FUT9: variants seen among roughly 807,000 people sequenced by gnomAD.
FUT9 encodes the protein 4-galactosyl-N-acetylglucosaminide 3-alpha-L-fucosyltransferase 9.
A neutral mutation model predicts 29.7 loss-of-function variants in FUT9; 15 were observed. The ratio of observed to expected loss-of-function variants is 0.51; its 90% CI spans 0.34 to 0.78. The LOEUF is 0.78. FUT9 is among the 30% of genes least tolerant of loss of function. FUT9 has a pLI of 0.01. For missense variants in FUT9, 319 were observed against 425.4 expected (o/e 0.75, Z 2.20); for synonymous variants, 169 against 153.7 (o/e 1.10, Z -0.74).
rs78409119 is a variant in FUT9, at chr6:96,089,510, G to T, written c.-97-24529G>T. The stretch of plus-strand genomic sequence containing the variant: ...TTTAAAATTGTTGTTTGATGTATTT[G>T]CTTTCCTACTTCTTCTTGTTATTGT... On this transcript the variant is annotated intron_variant, in intron 1 of 2. Transcript: ENST00000302103. Among the ~76,000 whole-genome samples the T allele has an allele frequency of 7.3e-4, 111 of 152,262 alleles. No individual in the cohort carries two copies. In the East Asian group the frequency reaches 0.014, roughly 20 times the overall value.
At chr6:96,199,700 G>A (rs979116554) in intron 2 of FUT9, among the ~76,000 whole-genome samples, 1 of 152,098 alleles carries the variant, frequency 6.6e-6, no homozygotes, top group Admixed American at 6.6e-5. Flanking sequence ...ATTCCATAGA[G>A]AGCTCCATGC....
chr6:96,108,638 C>T (rs1304225474), intron 1 of FUT9, among the ~76,000 whole-genome samples: 1 of 152,184 alleles, frequency 6.6e-6, no homozygotes, highest in South Asian at 2.1e-4. Context: ...CTCTCTACCA[C>T]TCTGTTCCAC....
intron 1 of FUT9, among the ~76,000 whole-genome samples, chr6:96,066,645 A>G (rs1011739170): frequency 1.3e-5 from 2 of 152,134 alleles, no homozygotes; most frequent in African/African-American, 4.8e-5. Flanking sequence ...CAATAGGACC[A>G]TAGGCCAACT....
intron 2 of FUT9, among the ~76,000 whole-genome samples, chr6:96,156,162 T>A (rs1016522601): frequency 1.3e-5 from 2 of 152,180 alleles, no homozygotes; most frequent in African/African-American, 2.4e-5. Flanking sequence ...GTTTTCAAAT[T>A]TCACACTGGT....
At chr6:96,084,265 T>A (rs2127951741) in intron 1 of FUT9, among the ~76,000 whole-genome samples, 1 of 152,200 alleles carries the variant, frequency 6.6e-6, no homozygotes, top group Non-Finnish European at 1.5e-5. Flanking sequence ...CTCCAAAGAA[T>A]TCCATCAAAG....
intron 1 of FUT9, among the ~76,000 whole-genome samples, chr6:96,070,470 G>A (rs1419507538): frequency 6.6e-6 from 1 of 152,090 alleles, no homozygotes; most frequent in East Asian, 1.9e-4. Flanking sequence ...AGGATCGCTT[G>A]AGCTCAGGAG....
intron 1 of FUT9, among the ~76,000 whole-genome samples, chr6:96,023,746 C>T (rs1189549044): frequency 6.6e-6 from 1 of 151,936 alleles, no homozygotes; most frequent in Non-Finnish European, 1.5e-5. Flanking sequence ...GCTCTCATTA[C>T]ACTGTTTCAC....
intron 2 of FUT9, among the ~76,000 whole-genome samples, chr6:96,140,129 T>C (rs2127972801): frequency 6.6e-6 from 1 of 152,284 alleles, no homozygotes; most frequent in Admixed American, 6.5e-5. Context: ...GTTTTACAGA[T>C]CTGTAGAGCA....
rs11347804 is a variant in FUT9, at chr6:96,120,269, C to CTTTTTTTTTTTTTTTTTTTT, written c.-9+6161_-9+6162insTTTTTTTTTTTTTTTTTTTT. ...AAGACCCACTTTTTCTTTTTTCTTT[C>CTTTTTTTTTTTTTTTTTTTT]TTTTTTTTTTTTTTTTTTTGAGATG... is the stretch of plus-strand genomic sequence containing the variant. On this transcript the variant is annotated intron_variant, in intron 2 of 2. Coordinates refer to ENST00000302103, the MANE Select transcript of FUT9 (RefSeq NM_006581.4). Among the ~76,000 whole-genome samples, 13 of 91,468 alleles carry CTTTTTTTTTTTTTTTTTTTT rather than the reference C, an allele frequency of 1.4e-4. 1 individual carries two copies. The highest frequency in any genetic ancestry group is 9.2e-4 in the South Asian group (2 of 2,164). 60.0% of individuals were successfully genotyped at this position (91,468 alleles called of 152,430 possible). A position where few individuals can be genotyped will look rare whatever the true frequency, so the allele number is the denominator to read the frequency against.
intron 2 of FUT9, among the ~76,000 whole-genome samples, chr6:96,138,129 C>T (rs1034933496): frequency 6.6e-6 from 1 of 152,164 alleles, no homozygotes; most frequent in African/African-American, 2.4e-5. Flanking sequence ...TACTAAAAGG[C>T]ATAAACCCTA....
rs1253595330 is a variant in FUT9 at position 96,204,413 on chromosome 6, A to G, written c.*178A>G. 1.4e-5 allele frequency: 6 copies of G among 424,188 alleles called. No homozygotes were observed. The highest frequency in any genetic ancestry group is 2.6e-5 in the Non-Finnish European group (6 of 233,978). 26.3% of individuals were successfully genotyped at this position (424,188 alleles called of 1,614,324 possible). ...AAAGCTCAGCATGAGCAATCATTCC[A>G]TTCGGTTTTAAATTATCCTGTATAT... On this transcript the variant is annotated 3_prime_UTR_variant, in exon 3 of 3. Coordinates refer to ENST00000302103, the MANE Select transcript of FUT9 (RefSeq NM_006581.4).
At position 96,107,966 on chromosome 6, in the gene FUT9, G is replaced by T. The variant is rs1771723411; in HGVS notation, c.-97-6073G>T. The stretch of plus-strand genomic sequence containing the variant: ...AGCTGTAGAAGTAAGTACAAATCAT[G>T]CACGTCTCTCATGGCCACTTTTTTT... On this transcript the variant is annotated intron_variant, in intron 1 of 2. Transcript: ENST00000302103. Among the ~76,000 whole-genome samples, 4 of 148,928 alleles carry T rather than the reference G, an allele frequency of 2.7e-5. No homozygotes were observed. The South Asian group carries it at 8.4e-4, about 31-fold the overall frequency.
intron 1 of FUT9, among the ~76,000 whole-genome samples, chr6:96,060,293 A>G (rs1770850574): frequency 6.6e-6 from 1 of 152,178 alleles, no homozygotes; most frequent in Admixed American, 6.5e-5. Context: ...ACCTACTTAA[A>G]TTCATTTCGA....
chr6:96,130,501 T>C (rs1426064956), intron 2 of FUT9, among the ~76,000 whole-genome samples: 1 of 152,154 alleles, frequency 6.6e-6, no homozygotes, highest in African/African-American at 2.4e-5. Flanking sequence ...TGAAAATATC[T>C]CTCTAAAAAG....
intron 1 of FUT9, among the ~76,000 whole-genome samples, chr6:96,056,116 C>T (rs1770762554): frequency 6.6e-6 from 1 of 152,158 alleles, no homozygotes; most frequent in Non-Finnish European, 1.5e-5. Context: ...AAGTTTCATG[C>T]TTGTTATACC....
intron 2 of FUT9, among the ~76,000 whole-genome samples, chr6:96,194,805 A>T (rs1199565449): frequency 6.6e-6 from 1 of 152,076 alleles, no homozygotes; most frequent in Non-Finnish European, 1.5e-5. Context: ...GCTGGCCTCA[A>T]AGGGTGCTGG....
At chr6:96,145,727 G>A (rs570895347) in intron 2 of FUT9, among the ~76,000 whole-genome samples, 6 of 152,188 alleles carry the variant, frequency 3.9e-5, no homozygotes, top group East Asian at 1.9e-4. Context: ...GGCAGGCTGC[G>A]CACGGCTTGT....
At chr6:96,157,903 A>G (rs1218899701) in intron 2 of FUT9, among the ~76,000 whole-genome samples, 1 of 152,166 alleles carries the variant, frequency 6.6e-6, no homozygotes, top group East Asian at 1.9e-4. Flanking sequence ...GATGCAAATG[A>G]AAGGAATACA....
At chr6:96,018,099 G>C (rs1265568632) in intron 1 of FUT9, among the ~76,000 whole-genome samples, 1 of 152,136 alleles carries the variant, frequency 6.6e-6, no homozygotes, top group Non-Finnish European at 1.5e-5. Flanking sequence ...GAGGGGCTGT[G>C]AATAATGAGT....
Sources: allele counts gnomAD v4.1 joint callset (sites outside exome capture counted in the v4.1 genomes callset), GRCh38; gene constraint gnomAD v4.1.1; transcripts MANE v1.5; gene names NCBI Gene and HGNC (gene_info 2026-07-23, HGNC 2026-07-21).